Variants in MED13 observed in about 807,000 individuals in gnomAD.
The protein encoded by MED13 is mediator complex subunit 13, also known as mediator of RNA polymerase II transcription subunit 13.
MED13 carries 23 observed loss-of-function variants against 225.2 expected under a neutral mutation model. That is an observed-to-expected ratio of 0.10 (90% CI 0.07 to 0.14). The LOEUF is 0.14. MED13 is among the 10% of genes least tolerant of loss of function. MED13 has a pLI of 1.00. For synonymous variants in MED13, 942 were observed against 889.2 expected (o/e 1.06, Z -1.06); for missense variants, 2,197 against 2,594.5 (o/e 0.85, Z 3.33).
Position 61,965,069 on chromosome 17 carries a change from G to A in MED13, c.4781C>T (p.Thr1594Ile). The A allele has an allele frequency of 6.2e-7, 1 of 1,614,200 alleles. No individual in the cohort carries two copies. Among genetic ancestry groups the A allele is most frequent in the Non-Finnish European group, 8.5e-7 (1 of 1,180,018 alleles). Reference sequence around the variant, plus strand: ...AGATGATTCTCCAGAAATCCCAGCTGTCTGTAGAGCTGATGTCTGTTGCCC... The same window carrying A: ...AGATGATTCTCCAGAAATCCCAGCTATCTGTAGAGCTGATGTCTGTTGCCC... ...LGGQQTSALQTAGISGESSSL... is the reference protein window; with the variant it reads ...LGGQQTSALQIAGISGESSSL... The change falls in exon 20 of 30, where the codon ACA (threonine) becomes ATA (isoleucine). Residue 1594 changes from threonine to isoleucine, a missense_variant. By Grantham distance (89) the Thr-to-Ile change is moderately conservative. This residue lies in a region of MED13 where 457 missense variants were observed against 442.2 expected (regional missense o/e 1.03). Coordinates refer to ENST00000397786, the MANE Select transcript of MED13 (RefSeq NM_005121.3).
intron 8 of MED13, among the ~76,000 whole-genome samples, chr17:62,022,804 G>A (rs2080662240): frequency 6.6e-6 from 1 of 152,074 alleles, no homozygotes; most frequent in African/African-American, 2.4e-5. Flanking sequence ...GAGCCCAGGA[G>A]TTCAAGACCA....
chr17:61,968,071 T>C lies in MED13; in HGVS notation c.4155A>G (p.Ala1385=). Residue 1385 remains alanine (A), a synonymous_variant, in exon 18 of 30, where the codon GCA becomes GCG. Transcript: ENST00000397786. ...CAGTAAGATCTCTAAAAAAGCTTTTTGCTCCATTTAACAAGGCTTCATTTT... is the reference window on the plus strand; with the variant it reads ...CAGTAAGATCTCTAAAAAAGCTTTTCGCTCCATTTAACAAGGCTTCATTTT... ...CPENEALLNG[A]KSFFRDLTAI... The C allele has an allele frequency of 2.5e-6, 4 of 1,613,958 alleles. No individual in the cohort carries two copies. Among genetic ancestry groups the C allele is most frequent in the Non-Finnish European group, 3.4e-6 (4 of 1,179,886 alleles).
In MED13 at chr17:61,983,015, G is replaced by A. The variant is rs371093481; in HGVS notation, c.2988C>T (p.Ser996=). ...MPPSSAPPSN[S]GAGILPSPST... ...ATGGAGAAGGAAGAATTCCTGCTCC[G>A]CTGTTACTAGGAGGTGCACTGCTAG... Residue 996 remains serine (S), a synonymous_variant, in exon 16 of 30, where the codon AGC becomes AGT. Transcript: ENST00000397786. 59 of 1,613,870 alleles carry A rather than the reference G, an allele frequency of 3.7e-5. No individual in the cohort carries two copies. The highest frequency in any genetic ancestry group is 4.0e-5 in the African/African-American group (3 of 74,912).
intron 12 of MED13, among the ~76,000 whole-genome samples, chr17:61,986,337 G>A (rs1332593743): frequency 6.6e-6 from 1 of 152,082 alleles, no homozygotes; most frequent in Admixed American, 6.6e-5. Flanking sequence ...AAGATCAAAT[G>A]TACCATAGAA....
At chr17:62,022,928 T>A (rs1302443989) in intron 8 of MED13, among the ~76,000 whole-genome samples, 2 of 151,900 alleles carry the variant, frequency 1.3e-5, no homozygotes, top group Non-Finnish European at 2.9e-5. Context: ...GAGGATCGTT[T>A]CAGCCCAGGA....
chr17:61,947,804 A>C (rs1159884490), intron 28 of MED13, among the ~76,000 whole-genome samples: 1 of 152,202 alleles, frequency 6.6e-6, no homozygotes, highest in African/African-American at 2.4e-5. Context: ...CTCCAATTAA[A>C]TGAGTCATTT....
rs144652813 is a variant in MED13 at position 62,059,742 on chromosome 17, CAAAGA to C, written c.301+3320_301+3324del. The stretch of plus-strand genomic sequence containing the variant: ...AGGGAGGTAGACGCTGTCCCTAGAG[CAAAGA>C]AAAGGGCAAGACAAATATATTCCAT... On this transcript the variant is annotated intron_variant, in intron 2 of 29. Coordinates refer to ENST00000397786, the MANE Select transcript of MED13 (RefSeq NM_005121.3). Among the ~76,000 whole-genome samples the C allele has an allele frequency of 7.3e-3, 1,115 of 152,212 alleles. 12 individuals carry two copies. The highest frequency in any genetic ancestry group is 0.026 in the African/African-American group (1,072 of 41,522).
chr17:62,026,127 G>C (rs2080699390), intron 8 of MED13, among the ~76,000 whole-genome samples: 1 of 152,116 alleles, frequency 6.6e-6, no homozygotes, highest in African/African-American at 2.4e-5. Context: ...GGCCATTACT[G>C]TTTACTTGAA....
chr17:61,988,606 C>T (rs772704623), intron 11 of MED13, among the ~76,000 whole-genome samples: 4 of 152,166 alleles, frequency 2.6e-5, no homozygotes, highest in Non-Finnish European at 5.9e-5. Context: ...CAGAATGTAG[C>T]ATATGTCTCA....
intron 26 of MED13, 126 bp from the exon 27 acceptor site, chr17:61,953,239 G>A: frequency 1.1e-6 from 1 of 902,562 alleles, no homozygotes. Flanking sequence ...TTTACTGAGT[G>A]TCTACCATGT....
At position 62,010,591 on chromosome 17, in the gene MED13, T is replaced by G. The variant is rs761434024; in HGVS notation, c.1926A>C (p.Pro642=). ...CACTTTCCTGTCCAAAAGGTCCAAC[T>G]GGATCATCCTTGAATTTATCACTTG... ...QLPSDKFKDD[P]VGPFGQESVT... is the part of the protein sequence containing the mutation. The change falls in exon 9 of 30, where the codon CCA becomes CCC. Residue 642 remains proline (P), a synonymous_variant. Transcript: ENST00000397786. 2.4e-5 allele frequency: 35 copies of G among 1,480,000 alleles called. No individual in the cohort carries two copies. Among genetic ancestry groups the G allele is most frequent in the Non-Finnish European group, 3.0e-5 (33 of 1,113,748 alleles). The allele number at this position is 1,480,000 out of a possible 1,614,324, so 91.7% of individuals were successfully genotyped here.
At chr17:62,062,589 ACACACACACAC>A (rs1394316811) in intron 2 of MED13, among the ~76,000 whole-genome samples, 981 of 78,168 alleles carry the variant, frequency 0.013, 11 homozygotes, top group African/African-American at 0.066. Flanking sequence ...ACACACACAC[ACACACACACAC>A]CACACACACA....
chr17:62,024,578 GGTTT>G (rs2080681704), intron 8 of MED13, among the ~76,000 whole-genome samples: 2 of 152,070 alleles, frequency 1.3e-5, no homozygotes, highest in African/African-American at 4.8e-5. Context: ...TAAATTCGCA[GGTTT>G]GTTATATAGG....
chr17:62,049,930 C>CA (rs544006035), intron 3 of MED13, among the ~76,000 whole-genome samples: 98 of 96,148 alleles, frequency 1.0e-3, no homozygotes, highest in Middle Eastern at 6.7e-3. Flanking sequence ...GCTCTGTCTC[C>CA]AAAAAAAAAA....
At chr17:61,965,675 C>T (rs2080051727) in intron 19 of MED13, among the ~76,000 whole-genome samples, 1 of 151,904 alleles carries the variant, frequency 6.6e-6, no homozygotes, top group Admixed American at 6.6e-5. Flanking sequence ...ATTGAAAAAG[C>T]CAGAATTTTC....
intron 16 of MED13, among the ~76,000 whole-genome samples, chr17:61,978,192 C>T (rs886357717): frequency 3.3e-5 from 5 of 151,770 alleles, no homozygotes; most frequent in Non-Finnish European, 5.9e-5. Flanking sequence ...CTCTTGTTGC[C>T]GGGCTGGAGC....
chr17:61,967,104 T>G (rs975983348), intron 18 of MED13, among the ~76,000 whole-genome samples: 8 of 152,194 alleles, frequency 5.3e-5, no homozygotes, highest in Admixed American at 2.6e-4. Context: ...ACCTTCTCCC[T>G]CTAGTTCTGT....
intron 11 of MED13, 91 bp downstream of exon 11, chr17:61,992,449 A>C: frequency 1.3e-6 from 1 of 742,846 alleles, no homozygotes; most frequent in South Asian, 1.8e-5. Context: ...TGAATTATAC[A>C]AAAAGGAACA....
chr17:61,995,212 G>A lies in MED13; in HGVS notation c.2121C>T (p.Phe707=). The A allele has an allele frequency of 1.2e-6, 2 of 1,613,630 alleles. No homozygotes were observed. Among genetic ancestry groups the A allele is most frequent in the Non-Finnish European group, 1.7e-6 (2 of 1,179,872 alleles). The change falls in exon 10 of 30, where the codon TTC becomes TTT. Residue 707 remains phenylalanine, a synonymous_variant. Coordinates refer to ENST00000397786, the MANE Select transcript of MED13 (RefSeq NM_005121.3). ...PYAFVEGDEE[F]LFPDKKDRQN... ...GTCTATCTTTTTTATCAGGAAAAAG[G>A]AATTCCTCATCTCCTTCAACAAATG...
Sources: gnomAD v4.1 joint callset for allele counts (sites outside exome capture counted in the v4.1 genomes callset) on GRCh38, gnomAD v4.1.1 for gene constraint, gnomAD v4.1.1 regional missense constraint, MANE v1.5 for transcripts, NCBI Gene and HGNC (gene_info 2026-07-23, HGNC 2026-07-21) for gene names.